DLGAP1: variants seen among roughly 807,000 people sequenced by gnomAD.
The protein encoded by DLGAP1 is DLG associated protein 1, also known as disks large-associated protein 1.
DLGAP1 carries 11 observed loss-of-function variants against 90.8 expected under a neutral mutation model. The ratio of observed to expected loss-of-function variants is 0.12; its 90% CI spans 0.08 to 0.20. The LOEUF (loss-of-function observed/expected upper bound fraction) is 0.20, where lower values mean the gene tolerates loss of function less well. DLGAP1 is among the 10% of genes least tolerant of loss of function. The pLI, the probability that DLGAP1 is intolerant of heterozygous loss-of-function variation, is 1.00. For synonymous variants in DLGAP1, 558 were observed against 540.7 expected (o/e 1.03, Z -0.44); for missense variants, 1,050 against 1,333.8 (o/e 0.79, Z 3.31).
At chr18:3,699,551 C>G (rs901873024) in intron 7 of DLGAP1, among the ~76,000 whole-genome samples, 1 of 152,166 alleles carries the variant, frequency 6.6e-6, no homozygotes, top group African/African-American at 2.4e-5. Context: ...AGCCAGAGCT[C>G]TCCTGTATGT....
At chr18:3,958,904 A>G (rs369244364) in intron 3 of DLGAP1, among the ~76,000 whole-genome samples, 1 of 152,174 alleles carries the variant, frequency 6.6e-6, no homozygotes, top group African/African-American at 2.4e-5. Flanking sequence ...GACTGCCTGT[A>G]ATATCTCAAG....
At chr18:3,720,184 CTT>C (rs1176828703) in intron 7 of DLGAP1, among the ~76,000 whole-genome samples, 1 of 152,076 alleles carries the variant, frequency 6.6e-6, no homozygotes, top group African/African-American at 2.4e-5. Context: ...TTAGAGATAA[CTT>C]AGACTAGTTA....
chr18:4,436,239 C>A (rs2083396086), intron 1 of DLGAP1, among the ~76,000 whole-genome samples: 1 of 151,688 alleles, frequency 6.6e-6, no homozygotes, highest in Non-Finnish European at 1.5e-5. Context: ...GAAACAATTC[C>A]AAAGCATGAT....
chr18:4,256,647 A>G (rs1039453351), intron 1 of DLGAP1, among the ~76,000 whole-genome samples: 1 of 151,688 alleles, frequency 6.6e-6, no homozygotes, highest in Non-Finnish European at 1.5e-5. Context: ...TTGTTACATG[A>G]GTTTTTTTTA....
chr18:3,688,610 AAAAGAC>A lies in DLGAP1; in HGVS notation c.1591+40519_1591+40524del, dbSNP rs1466107366. Among the ~76,000 whole-genome samples the A allele has an allele frequency of 5.1e-5, 7 of 138,258 alleles. 1 individual carries two copies. The highest frequency in any genetic ancestry group is 3.2e-4 in the Admixed American group (4 of 12,388). 90.7% of individuals were successfully genotyped at this position (138,258 alleles called of 152,430 possible). A position where few individuals can be genotyped will look rare whatever the true frequency, so the allele number is the denominator to read the frequency against. On this transcript the variant is annotated intron_variant, in intron 7 of 12. Transcript: ENST00000315677. ...TTTAAGATATATTCTAGGTATTAAA[AAAAGAC>A]ACACACACACACACACACACACACA...
At chr18:4,147,989 C>G (rs1474162064) in intron 2 of DLGAP1, among the ~76,000 whole-genome samples, 1 of 152,040 alleles carries the variant, frequency 6.6e-6, no homozygotes, top group Non-Finnish European at 1.5e-5. Context: ...CAGGGGTGTC[C>G]GAGGGAGAGA....
intron 3 of DLGAP1, among the ~76,000 whole-genome samples, chr18:3,920,082 C>T (rs886147015): frequency 2.6e-5 from 4 of 152,220 alleles, no homozygotes; most frequent in Admixed American, 2.6e-4. Context: ...GTGGCTCATG[C>T]CTGTAATCCT....
rs113310791 is a variant in DLGAP1 at position 4,164,029 on chromosome 18, T to C, written c.-266-12742A>G. 8.8e-3 allele frequency among the ~76,000 whole-genome samples: 1,335 copies of C among 151,808 alleles called. 26 individuals are homozygous for C. Among genetic ancestry groups the C allele is most frequent in the African/African-American group, 0.029 (1,187 of 41,356 alleles). On this transcript the variant is annotated intron_variant, in intron 1 of 12. Transcript: ENST00000315677. ...CTCATGTAGTACTAGCACGGGTGAGTGGAAACTCTGGCAGCACCAGATGAA... is the reference window on the plus strand; with the variant it reads ...CTCATGTAGTACTAGCACGGGTGAGCGGAAACTCTGGCAGCACCAGATGAA...
At chr18:3,596,716 A>C in intron 7 of DLGAP1, 1 of 433,232 alleles carries the variant, frequency 2.3e-6, no homozygotes, top group Non-Finnish European at 4.5e-6. Flanking sequence ...AGGCGTGAAC[A>C]GGGATGAGAA....
At chr18:3,896,311 A>C (rs762503546) in intron 3 of DLGAP1, 1 of 152,046 alleles carries the variant, frequency 6.6e-6, no homozygotes, top group African/African-American at 2.4e-5. Context: ...AAGAGACGCT[A>C]GGCTGCCAGG....
intron 7 of DLGAP1, among the ~76,000 whole-genome samples, chr18:3,656,843 T>C (rs1020657400): frequency 6.6e-6 from 1 of 151,976 alleles, no homozygotes; most frequent in Non-Finnish European, 1.5e-5. Context: ...GCCTCCTGGG[T>C]GGACGCCATT....
At chr18:3,789,588 C>A (rs2065628861) in intron 5 of DLGAP1, among the ~76,000 whole-genome samples, 1 of 151,966 alleles carries the variant, frequency 6.6e-6, no homozygotes, top group Admixed American at 6.6e-5. Context: ...AGGAAGGGGA[C>A]CCCCAAAAGA....
chr18:4,453,984 C>T (rs980318983), intron 1 of DLGAP1, among the ~76,000 whole-genome samples: 6 of 152,204 alleles, frequency 3.9e-5, no homozygotes, highest in Admixed American at 3.3e-4. Flanking sequence ...GCGCTACGGT[C>T]GGGCTGGAGG....
intron 1 of DLGAP1, among the ~76,000 whole-genome samples, chr18:4,408,928 A>C (rs2082718592): frequency 6.6e-6 from 1 of 151,844 alleles, no homozygotes; most frequent in South Asian, 2.1e-4. Flanking sequence ...TTCCTTCTAG[A>C]ATTTAAGCTC....
chr18:3,537,240 A>T (rs1555672411), intron 9 of DLGAP1, among the ~76,000 whole-genome samples: 1 of 152,162 alleles, frequency 6.6e-6, no homozygotes, highest in Non-Finnish European at 1.5e-5. Context: ...CTGTGCACCC[A>T]TGAAATGCTA....
chr18:3,650,052 A>AT (rs1328571044), intron 7 of DLGAP1, among the ~76,000 whole-genome samples: 4 of 151,448 alleles, frequency 2.6e-5, no homozygotes, highest in Admixed American at 1.3e-4. Context: ...TTGTTTTTTT[A>AT]TTTTTTTTGG....
chr18:4,446,542 C>A (rs1205822703), intron 1 of DLGAP1, among the ~76,000 whole-genome samples: 1 of 151,820 alleles, frequency 6.6e-6, no homozygotes, highest in Non-Finnish European at 1.5e-5. Context: ...GGGTGTTTTG[C>A]CTAAATTTAG....
intron 5 of DLGAP1, among the ~76,000 whole-genome samples, chr18:3,769,850 G>T (rs955068373): frequency 2.0e-5 from 3 of 151,628 alleles, no homozygotes; most frequent in African/African-American, 4.9e-5. Flanking sequence ...ACGGTGGGTG[G>T]GGGGGGAAAA....
chr18:3,920,172 G>A (rs8097008), intron 3 of DLGAP1, among the ~76,000 whole-genome samples: 12,724 of 151,846 alleles, frequency 0.084, 839 homozygotes, highest in African/African-American at 0.18. Context: ...GTGAAACCCC[G>A]TCTCTACTAA....
Sources: allele counts gnomAD v4.1 joint callset (sites outside exome capture counted in the v4.1 genomes callset), GRCh38; gene constraint gnomAD v4.1.1; transcripts MANE v1.5; gene names NCBI Gene and HGNC (gene_info 2026-07-23, HGNC 2026-07-21).